The following LMBRD1 variants were observed in gnomAD, a reference collection of about 807,000 sequenced individuals.
LMBRD1 encodes lysosomal cobalamin transport escort protein LMBD1.
LMBRD1 carries 64 observed loss-of-function variants against 74.8 expected under a neutral mutation model. The observed-to-expected ratio is 0.86, with a 90% CI of 0.70 to 1.05. LMBRD1 has a LOEUF of 1.05. LMBRD1 is among the 50% of genes least tolerant of loss of function. The probability of loss-of-function intolerance (pLI) is 0.00; values close to 1 mark genes in which losing one functional copy is unlikely to be tolerated. For missense variants in LMBRD1, 652 were observed against 645.9 expected, an observed-to-expected ratio of 1.01 and a Z score of -0.10; for synonymous variants, 204 against 216.3, an observed-to-expected ratio of 0.94 and a Z score of 0.50.
intron 7 of LMBRD1, among the ~76,000 whole-genome samples, chr6:69,727,877 C>T (rs1479423138): frequency 6.6e-6 from 1 of 152,068 alleles, no homozygotes; most frequent in Non-Finnish European, 1.5e-5. Flanking sequence ...TATTCTAGTA[C>T]TTCCATATTC....
intron 8 of LMBRD1, among the ~76,000 whole-genome samples, chr6:69,716,284 T>C (rs1262676099): frequency 6.6e-5 from 10 of 152,196 alleles, no homozygotes; most frequent in Admixed American, 6.5e-4. Flanking sequence ...GCATCTGTTA[T>C]TTTTTGACTT....
intron 7 of LMBRD1, among the ~76,000 whole-genome samples, chr6:69,727,985 T>C (rs531778853): frequency 3.9e-5 from 6 of 152,320 alleles, no homozygotes; most frequent in South Asian, 2.1e-4. Flanking sequence ...CTCATTGTAT[T>C]AGTCCGTTCT....
At chr6:69,719,947 T>C (rs1051577494) in intron 7 of LMBRD1, among the ~76,000 whole-genome samples, 1 of 152,198 alleles carries the variant, frequency 6.6e-6, no homozygotes, top group African/African-American at 2.4e-5. Flanking sequence ...AAATGCCACG[T>C]TTTAGGCATG....
At chr6:69,688,318 AAAGT>A (rs1765808246) in intron 14 of LMBRD1, among the ~76,000 whole-genome samples, 1 of 152,102 alleles carries the variant, frequency 6.6e-6, no homozygotes, top group South Asian at 2.1e-4. Flanking sequence ...GTTTTAAACA[AAAGT>A]AAGCCTCTCT....
chr6:69,691,875 CAAAAAAAAA>C (rs34100007), intron 14 of LMBRD1, among the ~76,000 whole-genome samples: 4 of 65,114 alleles, frequency 6.1e-5, no homozygotes, highest in Non-Finnish European at 1.1e-4. Context: ...GACTCCGTCT[CAAAAAAAAA>C]AAAAAAAAAA....
chr6:69,747,781 T>A (rs749316997), intron 5 of LMBRD1, among the ~76,000 whole-genome samples: 15 of 152,356 alleles, frequency 9.8e-5, no homozygotes, highest in Non-Finnish European at 2.2e-4. Context: ...ACGTATGAGC[T>A]ACATGAATTA....
At position 69,718,828 on chromosome 6, in the gene LMBRD1, C is replaced by A; in HGVS notation, c.762+128G>T. On this transcript the variant is annotated intron_variant, in intron 8 of 15. Transcript: ENST00000649934. The stretch of plus-strand genomic sequence containing the variant: ...AAGTGAGGACACAGTCAAACTGTAC[C>A]AGATATGCTGCAAAAAATTCAAACA... 3 of 905,398 alleles carry A rather than the reference C, an allele frequency of 3.3e-6. No homozygotes were observed. In the Admixed American group the frequency reaches 5.9e-5, roughly 18 times the overall value. 56.1% of individuals were successfully genotyped at this position (905,398 alleles called of 1,614,324 possible).
At chr6:69,694,759 G>C (rs769852977) in intron 14 of LMBRD1, among the ~76,000 whole-genome samples, 1 of 152,044 alleles carries the variant, frequency 6.6e-6, no homozygotes, top group Non-Finnish European at 1.5e-5. Context: ...AGAACTGATG[G>C]AGAAAAATTA....
chr6:69,704,847 T>C (rs888980887), intron 9 of LMBRD1, among the ~76,000 whole-genome samples: 4 of 152,090 alleles, frequency 2.6e-5, no homozygotes, highest in Non-Finnish European at 4.4e-5. Flanking sequence ...TGCTTTTATC[T>C]TATTTTCTTC....
intron 1 of LMBRD1, among the ~76,000 whole-genome samples, chr6:69,795,552 C>A (rs2149900215): frequency 6.6e-6 from 1 of 152,314 alleles, no homozygotes; most frequent in South Asian, 2.1e-4. Flanking sequence ...AACTTTCATA[C>A]ATTACATGCT....
chr6:69,724,146 G>A (rs971160511), intron 7 of LMBRD1, among the ~76,000 whole-genome samples: 4 of 151,484 alleles, frequency 2.6e-5, no homozygotes, highest in Admixed American at 1.3e-4. Flanking sequence ...AATAAGTAAC[G>A]AGTAACAAGA....
At chr6:69,683,955 AC>A (rs764350304) in intron 14 of LMBRD1, among the ~76,000 whole-genome samples, 1 of 152,108 alleles carries the variant, frequency 6.6e-6, no homozygotes, top group Non-Finnish European at 1.5e-5. Flanking sequence ...GCACAGAGTT[AC>A]CAGCAATGAC....
chr6:69,686,408 T>A (rs1208766579), intron 14 of LMBRD1, among the ~76,000 whole-genome samples: 2 of 152,110 alleles, frequency 1.3e-5, no homozygotes, highest in East Asian at 3.9e-4. Flanking sequence ...CCTAATAGGT[T>A]ACACTATTAG....
At chr6:69,719,516 AT>A (rs1200944075) in intron 7 of LMBRD1, among the ~76,000 whole-genome samples, 1 of 152,172 alleles carries the variant, frequency 6.6e-6, no homozygotes, top group African/African-American at 2.4e-5. Flanking sequence ...TAGCATATCA[AT>A]TATCTACATT....
In LMBRD1 at chr6:69,745,351, C is replaced by T. The variant is rs1402476055; in HGVS notation, c.474-3474G>A. On this transcript the variant is annotated intron_variant, in intron 5 of 15. Transcript: ENST00000649934. ...TCGGCTCACTGCAAGCTCCGCTTCC[C>T]GGGTTCACGCCATTCTCCTGCCTCA... Among the ~76,000 whole-genome samples the T allele has an allele frequency of 2.0e-5, 3 of 150,886 alleles. No individual in the cohort carries two copies. In the South Asian group the frequency reaches 6.3e-4, roughly 32 times the overall value.
intron 5 of LMBRD1, among the ~76,000 whole-genome samples, chr6:69,748,300 A>G (rs1765041435): frequency 6.6e-6 from 1 of 152,202 alleles, no homozygotes; most frequent in Admixed American, 6.5e-5. Flanking sequence ...CTCGATGTTA[A>G]CAAGGGAAAT....
At chr6:69,773,921 C>T (rs1178178203) in intron 3 of LMBRD1, among the ~76,000 whole-genome samples, 2 of 152,124 alleles carry the variant, frequency 1.3e-5, no homozygotes, top group Non-Finnish European at 2.9e-5. Context: ...TATAATGTTA[C>T]ACACTGAAGA....
chr6:69,725,455 G>A (rs1357337091), intron 7 of LMBRD1, among the ~76,000 whole-genome samples: 3 of 151,756 alleles, frequency 2.0e-5, no homozygotes, highest in African/African-American at 7.3e-5. Flanking sequence ...GAACAAAACT[G>A]GAGGAATCAT....
At chr6:69,795,297 C>T (rs1423130579) in intron 1 of LMBRD1, among the ~76,000 whole-genome samples, 1 of 152,196 alleles carries the variant, frequency 6.6e-6, no homozygotes, top group Non-Finnish European at 1.5e-5. Context: ...CTTCATCTAT[C>T]CAAACTCTAC....
Sources: gnomAD v4.1 joint callset for allele counts (sites outside exome capture counted in the v4.1 genomes callset) on GRCh38, gnomAD v4.1.1 for gene constraint, MANE v1.5 for transcripts, NCBI Gene and HGNC (gene_info 2026-07-23, HGNC 2026-07-21) for gene names.